The following PDE8B variants were observed in gnomAD, a reference collection of about 807,000 sequenced individuals.
PDE8B encodes high affinity cAMP-specific and IBMX-insensitive 3',5'-cyclic phosphodiesterase 8B.
In PDE8B, 26 loss-of-function variants were observed where a neutral mutation model predicts 101.3. That is an observed-to-expected ratio of 0.26 (90% CI 0.19 to 0.36). The LOEUF is 0.36. Among genes scored for constraint, PDE8B ranks in the 10% least tolerant of loss-of-function variants. The pLI is 1.00. For synonymous variants in PDE8B, 424 were observed against 429.3 expected, an observed-to-expected ratio of 0.99 and a Z score of 0.15; for missense variants, 810 against 1,163.1, an observed-to-expected ratio of 0.70 and a Z score of 4.42.
chr5:77,361,616 G>A (rs868402331), intron 10 of PDE8B, among the ~76,000 whole-genome samples: 5 of 151,240 alleles, frequency 3.3e-5, no homozygotes, highest in South Asian at 4.2e-4. Flanking sequence ...CCAGGTTCAC[G>A]CCATTCTCCC....
At chr5:77,331,141 A>G (rs1244501479) in intron 4 of PDE8B, among the ~76,000 whole-genome samples, 3 of 152,188 alleles carry the variant, frequency 2.0e-5, no homozygotes, top group African/African-American at 7.2e-5. Context: ...GCTGAGTTGG[A>G]AAGGGCCATT....
At chr5:77,138,568 G>A in the PDE8B span, among the ~76,000 whole-genome samples, 1 of 152,250 alleles carries the variant, frequency 6.6e-6, no homozygotes, top group South Asian at 2.1e-4. Flanking sequence ...GTTTATCAAA[G>A]ACTCCAGCAT....
chr5:77,397,217 A>C (rs1791268038), intron 10 of PDE8B, among the ~76,000 whole-genome samples: 1 of 151,482 alleles, frequency 6.6e-6, no homozygotes, highest in Non-Finnish European at 1.5e-5. Flanking sequence ...TTTGGTAGAG[A>C]CAGGGTTTCA....
chr5:77,109,037 G>C, the PDE8B span, among the ~76,000 whole-genome samples: 5 of 152,150 alleles, frequency 3.3e-5, no homozygotes, highest in African/African-American at 1.2e-4. Flanking sequence ...GGTTTGGTTG[G>C]TTGCCTCTGA....
the PDE8B span, among the ~76,000 whole-genome samples, chr5:77,182,120 A>G: frequency 6.6e-6 from 1 of 151,994 alleles, no homozygotes. Flanking sequence ...AAGAGGTACA[A>G]CCTGTCCTGG....
At chr5:77,239,733 T>A (rs1453101083) in intron 1 of PDE8B, among the ~76,000 whole-genome samples, 1 of 152,200 alleles carries the variant, frequency 6.6e-6, no homozygotes, top group African/African-American at 2.4e-5. Flanking sequence ...AAACATGGGC[T>A]CCTCTAGCTT....
In PDE8B at chr5:77,225,843, C is replaced by T. The variant is rs975576720; in HGVS notation, c.339+14579C>T. On this transcript the variant is annotated intron_variant, in intron 1 of 21. Transcript: ENST00000264917. ...TTCCTCATTTGTTAGATCCCACATG[C>T]GCGTGCACACACACACACACACACA... 5.8e-5 allele frequency among the ~76,000 whole-genome samples: 7 copies of T among 121,562 alleles called. No homozygotes were observed. The East Asian group carries it at 1.0e-3, about 18-fold the overall frequency. 79.7% of individuals were successfully genotyped at this position (121,562 alleles called of 152,430 possible).
At chr5:77,235,942 G>C (rs914470758) in intron 1 of PDE8B, among the ~76,000 whole-genome samples, 1 of 152,084 alleles carries the variant, frequency 6.6e-6, no homozygotes, top group East Asian at 1.9e-4. Context: ...AAAAGATGAG[G>C]AAACTGGAGC....
the PDE8B span, chr5:77,147,100 C>T: frequency 2.0e-4 from 74 of 372,256 alleles, no homozygotes; most frequent in Non-Finnish European, 3.1e-4. Flanking sequence ...GGAGTTGTCA[C>T]GGCTAAAAAA....
the PDE8B span, among the ~76,000 whole-genome samples, chr5:77,192,371 T>C: frequency 6.6e-6 from 1 of 152,308 alleles, no homozygotes. Context: ...GTGTCTTCCT[T>C]CCATTCCACT....
intron 1 of PDE8B, among the ~76,000 whole-genome samples, chr5:77,301,656 G>A (rs1769971009): frequency 6.6e-6 from 1 of 152,246 alleles, no homozygotes. Flanking sequence ...TAAAAGGAAG[G>A]AAGTCAGTTG....
chr5:77,160,606 G>A, the PDE8B span, among the ~76,000 whole-genome samples: 72 of 152,140 alleles, frequency 4.7e-4, no homozygotes, highest in East Asian at 0.013. Context: ...ACTCCTTTGG[G>A]TGTTTTACAA....
chr5:77,317,295 G>T (rs188430629), intron 2 of PDE8B, among the ~76,000 whole-genome samples: 3 of 152,000 alleles, frequency 2.0e-5, no homozygotes, highest in Non-Finnish European at 4.4e-5. Context: ...CTATTCTGTT[G>T]CTTCACTGCA....
At chr5:77,277,674 T>C (rs1434343949) in intron 1 of PDE8B, among the ~76,000 whole-genome samples, 1 of 152,190 alleles carries the variant, frequency 6.6e-6, no homozygotes, top group African/African-American at 2.4e-5. Context: ...TTCTTTCTCT[T>C]TTGTTCATTT....
chr5:77,122,363 A>G, the PDE8B span, among the ~76,000 whole-genome samples: 1 of 152,166 alleles, frequency 6.6e-6, no homozygotes, highest in Non-Finnish European at 1.5e-5. Flanking sequence ...GCATAGGAAC[A>G]CCTCTTTTTT....
intron 1 of PDE8B, among the ~76,000 whole-genome samples, chr5:77,233,652 CTCTGTGTGTGTGTG>C (rs1205629000): frequency 3.2e-5 from 4 of 126,944 alleles, no homozygotes; most frequent in East Asian, 3.6e-4. Flanking sequence ...CCCCCTGAAG[CTCTGTGTGTGTGTG>C]TGTGTGTGTG....
chr5:77,306,692 G>T (rs550861692), intron 1 of PDE8B, among the ~76,000 whole-genome samples: 67 of 152,328 alleles, frequency 4.4e-4, no homozygotes, highest in African/African-American at 1.6e-3. Flanking sequence ...AATTCCTGAA[G>T]CTGAAACTAT....
chr5:77,129,260 T>C, the PDE8B span, among the ~76,000 whole-genome samples: 194 of 152,316 alleles, frequency 1.3e-3, no homozygotes, highest in Non-Finnish European at 1.9e-3. Context: ...TATAGCTACC[T>C]GAGGATTTTT....
intron 10 of PDE8B, among the ~76,000 whole-genome samples, chr5:77,394,740 C>G (rs1790651853): frequency 6.6e-6 from 1 of 152,132 alleles, no homozygotes; most frequent in Non-Finnish European, 1.5e-5. Flanking sequence ...AACATTTCAA[C>G]TTTCATAATT....
Sources: allele counts gnomAD v4.1 joint callset (sites outside exome capture counted in the v4.1 genomes callset), GRCh38; gene constraint gnomAD v4.1.1; transcripts MANE v1.5; gene names NCBI Gene and HGNC (gene_info 2026-07-23, HGNC 2026-07-21).